Variants in SPON1 observed in about 807,000 individuals in gnomAD.
SPON1 encodes the protein spondin-1.
Under a neutral mutation model 111.7 loss-of-function variants are expected in SPON1, and 52 were observed. That is an observed-to-expected ratio of 0.47 (90% CI 0.37 to 0.59). The LOEUF (loss-of-function observed/expected upper bound fraction) is 0.59. SPON1 is among the 20% of genes least tolerant of loss of function. SPON1 has a pLI of 0.00. For missense variants in SPON1, 957 were observed against 1,068.5 expected (o/e 0.90, Z 1.46); for synonymous variants, 410 against 395.8 (o/e 1.04, Z -0.43).
rs528409789 is a variant in SPON1 at position 14,182,120 on chromosome 11, C to G, written c.825+46552C>G. On this transcript the variant is annotated intron_variant, in intron 6 of 15. Transcript: ENST00000576479. ...GAGTCTCACATTTGCTCTCCTAAGT[C>G]TCCCAAATGGAGAGGGGTCTCTAAC... 2.0e-5 allele frequency among the ~76,000 whole-genome samples: 3 copies of G among 152,288 alleles called. No individual in the cohort carries two copies. The South Asian group carries it at 6.2e-4, about 32-fold the overall frequency.
At chr11:14,257,501 A>ATTCT (rs1369338329) in intron 10 of SPON1, among the ~76,000 whole-genome samples, 1 of 152,222 alleles carries the variant, frequency 6.6e-6, no homozygotes, top group Non-Finnish European at 1.5e-5. Context: ...AATAAGAATC[A>ATTCT]TTCTGCTTAT....
At chr11:14,036,023 C>T (rs1848592026) in intron 2 of SPON1, among the ~76,000 whole-genome samples, 1 of 152,088 alleles carries the variant, frequency 6.6e-6, no homozygotes, top group African/African-American at 2.4e-5. Flanking sequence ...TAGGAATTGA[C>T]CAGGGCCTTG....
chr11:14,156,013 C>A (rs575403158), intron 6 of SPON1, among the ~76,000 whole-genome samples: 1 of 124,520 alleles, frequency 8.0e-6, no homozygotes, highest in South Asian at 2.8e-4. Flanking sequence ...GGGTATATAC[C>A]CAGTAATGGG....
chr11:13,984,573 T>A (rs1474971964), intron 2 of SPON1, among the ~76,000 whole-genome samples: 1 of 152,084 alleles, frequency 6.6e-6, no homozygotes, highest in African/African-American at 2.4e-5. Flanking sequence ...ACAACCACAA[T>A]CCATTCACAA....
At position 14,079,900 on chromosome 11, in the gene SPON1, T is replaced by C; in HGVS notation, c.555T>C (p.Asp185=). ...GSLTKKLCEQ[D]STFDGVTDKP... ...TGGTGACTTTTCTGACTGTTTCAGA[T>C]TCCACATTTGATGGGGTGACTGACA... The change falls in exon 5 of 16, where the codon GAT becomes GAC. Residue 185 remains aspartate, a splice_region_variant and synonymous_variant. Transcript: ENST00000576479. 6.2e-7 allele frequency: 1 copy of C among 1,614,004 alleles called. No individual in the cohort carries two copies. Among genetic ancestry groups the C allele is most frequent in the Middle Eastern group, 1.6e-4 (1 of 6,062 alleles).
At chr11:14,086,859 C>T (rs927184116) in intron 5 of SPON1, among the ~76,000 whole-genome samples, 3 of 152,082 alleles carry the variant, frequency 2.0e-5, no homozygotes, top group Admixed American at 1.3e-4. Flanking sequence ...TCAACTTCTT[C>T]CTGATTTAGT....
At chr11:14,100,804 C>A (rs933052731) in intron 5 of SPON1, among the ~76,000 whole-genome samples, 1 of 152,196 alleles carries the variant, frequency 6.6e-6, no homozygotes, top group Non-Finnish European at 1.5e-5. Flanking sequence ...AAGGCAAACC[C>A]CCTAAGGCCT....
In SPON1 at chr11:14,256,789, G is replaced by A. The variant is rs1332962878; in HGVS notation, c.1309+97G>A. The A allele has an allele frequency of 3.0e-5, 27 of 902,766 alleles. 1 individual carries two copies. The East Asian group carries it at 5.9e-4, about 20-fold the overall frequency. 55.9% of individuals were successfully genotyped at this position (902,766 alleles called of 1,614,324 possible). ...CTGTTTTAAGAACCATAAACCATGT[G>A]CTTTGACTTGGTAATCATATCTCTG... On this transcript the variant is annotated intron_variant, in intron 10 of 15. Transcript: ENST00000576479.
In SPON1 at chr11:14,255,769, C is replaced by G. The variant is rs558066427; in HGVS notation, c.1215C>G (p.Ile405Met). 1.9e-6 allele frequency: 3 copies of G among 1,613,712 alleles called. No individual in the cohort carries two copies. Among genetic ancestry groups the G allele is most frequent in the East Asian group, 4.5e-5 (2 of 44,858 alleles). Residue 405 changes from isoleucine to methionine, a missense_variant, in exon 9 of 16, where the codon ATC (isoleucine) becomes ATG (methionine). Physicochemically the swap from Ile to Met is conservative, Grantham distance 10. This residue lies in a region of SPON1 where 549 missense variants were observed against 606.2 expected (regional missense o/e 0.91). Transcript: ENST00000576479. Reference sequence around the variant, plus strand: ...TCACTCAAGTAGCCAGAGTTGTCATCGAGAGAATCGCACGGAAGGTACTGG... The same window carrying G: ...TCACTCAAGTAGCCAGAGTTGTCATGGAGAGAATCGCACGGAAGGTACTGG... ...GSITQVARVV[I>M]ERIARKGEQC...
At chr11:14,175,036 A>G (rs947413378) in intron 6 of SPON1, among the ~76,000 whole-genome samples, 2 of 93,338 alleles carry the variant, frequency 2.1e-5, no homozygotes, top group South Asian at 3.9e-4. Flanking sequence ...GAAGATAACC[A>G]TGGGTGGGGG....
intron 7 of SPON1, among the ~76,000 whole-genome samples, chr11:14,246,118 T>A (rs1554940237): frequency 6.6e-6 from 1 of 152,136 alleles, no homozygotes; most frequent in Non-Finnish European, 1.5e-5. Flanking sequence ...GGGGAGAGTT[T>A]GTGGGTACCA....
intron 2 of SPON1, among the ~76,000 whole-genome samples, chr11:14,007,943 T>G (rs1458348138): frequency 6.6e-6 from 1 of 152,162 alleles, no homozygotes; most frequent in Non-Finnish European, 1.5e-5. Flanking sequence ...TACATATGAT[T>G]GCATTTAAGG....
chr11:14,151,576 C>T (rs145082986), intron 6 of SPON1, among the ~76,000 whole-genome samples: 91 of 152,206 alleles, frequency 6.0e-4, no homozygotes, highest in African/African-American at 2.0e-3. Context: ...TGAATAAGAC[C>T]CAGGGTGGGA....
At chr11:14,067,426 G>A (rs560497383) in intron 3 of SPON1, among the ~76,000 whole-genome samples, 11 of 152,332 alleles carry the variant, frequency 7.2e-5, no homozygotes, top group South Asian at 4.1e-4. Context: ...CAGGGTAAGT[G>A]ACTGCTGGTA....
At chr11:14,127,302 GAAA>G (rs11398250) in intron 5 of SPON1, among the ~76,000 whole-genome samples, 1 of 137,072 alleles carries the variant, frequency 7.3e-6, no homozygotes, top group Admixed American at 7.3e-5. Flanking sequence ...TCTGACCTCC[GAAA>G]AAAAAAAAAA....
intron 6 of SPON1, among the ~76,000 whole-genome samples, chr11:14,166,011 T>C (rs1251424179): frequency 6.6e-6 from 1 of 152,176 alleles, no homozygotes; most frequent in East Asian, 1.9e-4. Context: ...CCAAGATAAC[T>C]TGGGGTTCCT....
intron 5 of SPON1, among the ~76,000 whole-genome samples, chr11:14,080,711 A>G (rs1163231731): frequency 1.3e-5 from 2 of 152,202 alleles, no homozygotes; most frequent in Non-Finnish European, 2.9e-5. Flanking sequence ...GTCAAGGTCA[A>G]CAAATACTCT....
intron 5 of SPON1, among the ~76,000 whole-genome samples, chr11:14,131,557 G>A (rs1401546445): frequency 6.6e-6 from 1 of 152,112 alleles, no homozygotes; most frequent in Non-Finnish European, 1.5e-5. Context: ...TTTTGGATTG[G>A]TGCTTCATAT....
At chr11:14,132,780 G>T (rs1212403221) in intron 5 of SPON1, among the ~76,000 whole-genome samples, 6 of 152,070 alleles carry the variant, frequency 3.9e-5, no homozygotes, top group African/African-American at 1.4e-4. Flanking sequence ...TGAATTAAAG[G>T]CAAGTTTCAT....
Sources: allele counts gnomAD v4.1 joint callset (sites outside exome capture counted in the v4.1 genomes callset), GRCh38; gene constraint gnomAD v4.1.1; regional missense constraint gnomAD v4.1.1; transcripts MANE v1.5; gene names NCBI Gene and HGNC (gene_info 2026-07-23, HGNC 2026-07-21).